Variants in RYR2 observed in about 807,000 individuals in gnomAD.
RYR2 encodes ryanodine receptor 2.
RYR2 carries 227 observed loss-of-function variants against 601.1 expected under a neutral mutation model. That is an observed-to-expected ratio of 0.38 (90% confidence interval 0.34 to 0.42). The LOEUF (loss-of-function observed/expected upper bound fraction) is 0.42. Ranked by LOEUF, RYR2 falls within the 10% of genes least tolerant of loss-of-function variation. The pLI is 1.00. For missense variants in RYR2, 4,646 were observed against 6,156.5 expected (o/e 0.75, Z 8.21); for synonymous variants, 2,223 against 2,175.1 (o/e 1.02, Z -0.61).
At chr1:237,200,238 A>G (rs1452695515) in intron 1 of RYR2, among the ~76,000 whole-genome samples, 1 of 151,614 alleles carries the variant, frequency 6.6e-6, no homozygotes, top group African/African-American at 2.4e-5. Context: ...TCTGTTTGCA[A>G]TTTTATCCTT....
At chr1:237,584,173 G>A (rs940797577) in intron 29 of RYR2, among the ~76,000 whole-genome samples, 3 of 152,148 alleles carry the variant, frequency 2.0e-5, no homozygotes, top group Non-Finnish European at 4.4e-5. Context: ...TACATGTGCT[G>A]GGGGAGAGGC....
chr1:237,410,106 G>T (rs548626371), intron 10 of RYR2, among the ~76,000 whole-genome samples: 1 of 152,268 alleles, frequency 6.6e-6, no homozygotes, highest in South Asian at 2.1e-4. Context: ...TTCACTTAGA[G>T]CCCCTCTCAA....
intron 2 of RYR2, among the ~76,000 whole-genome samples, chr1:237,289,745 G>A (rs899151895): frequency 5.3e-5 from 8 of 152,270 alleles, no homozygotes; most frequent in Admixed American, 1.3e-4. Context: ...ATTTTTGTAA[G>A]CATGCTTATA....
At chr1:237,693,004 G>C (rs1687082667) in intron 63 of RYR2, among the ~76,000 whole-genome samples, 1 of 152,164 alleles carries the variant, frequency 6.6e-6, no homozygotes, top group Non-Finnish European at 1.5e-5. Context: ...ATGAATGAAT[G>C]AGCCACCCAG....
intron 3 of RYR2, among the ~76,000 whole-genome samples, chr1:237,355,617 T>G (rs1699228693): frequency 6.6e-6 from 1 of 152,092 alleles, no homozygotes; most frequent in African/African-American, 2.4e-5. Flanking sequence ...GTTTTTATAA[T>G]TAGAGGAGAG....
At chr1:237,181,510 G>T (rs369129254) in intron 1 of RYR2, among the ~76,000 whole-genome samples, 1 of 152,204 alleles carries the variant, frequency 6.6e-6, no homozygotes, top group African/African-American at 2.4e-5. Flanking sequence ...ACCAGCAGAT[G>T]TAGAAACTGC....
At chr1:237,482,884 G>A (rs896530276) in intron 17 of RYR2, among the ~76,000 whole-genome samples, 4 of 152,134 alleles carry the variant, frequency 2.6e-5, no homozygotes, top group Non-Finnish European at 4.4e-5. Context: ...TCTTTTGGAT[G>A]TAAGCCATTG....
At chr1:237,758,712 C>T (rs1693162943) in intron 82 of RYR2, among the ~76,000 whole-genome samples, 1 of 152,210 alleles carries the variant, frequency 6.6e-6, no homozygotes, top group South Asian at 2.1e-4. Context: ...AGGAATTGTT[C>T]TGCTCTTCCA....
rs1268284971 is a variant in RYR2, at chr1:237,614,922, C to G, written c.5715+79C>G. The G allele has an allele frequency of 2.9e-6, 4 of 1,361,324 alleles. No homozygotes were observed. Among genetic ancestry groups the G allele is most frequent in the African/African-American group, 1.5e-5 (1 of 68,362 alleles). The allele number at this position is 1,361,324 out of a possible 1,614,324, so 84.3% of individuals were successfully genotyped here. A position where few individuals can be genotyped will look rare whatever the true frequency, so the allele number is the denominator to read the frequency against. ...TTAGAACATGCCTTTGTTTCTTTCT[C>G]TGTGTGTGTGTTTATTTCTTTGCAT... is the stretch of plus-strand genomic sequence containing the variant. On this transcript the variant is annotated intron_variant, in intron 37 of 104. Coordinates refer to ENST00000366574, the MANE Select transcript of RYR2 (RefSeq NM_001035.3). This position sits in a 1 kb window ranked among gnomAD's most constrained non-coding sequence, Gnocchi z 4.3.
At chr1:237,117,837 C>T (rs574231265) in intron 1 of RYR2, among the ~76,000 whole-genome samples, 3 of 152,212 alleles carry the variant, frequency 2.0e-5, no homozygotes, top group African/African-American at 7.2e-5. Flanking sequence ...GCTCTCCCTC[C>T]TGGGTTCAAA....
Position 237,268,026 on chromosome 1 carries a change from C to T in RYR2, c.49-2471C>T, listed in dbSNP as rs1689239110. On this transcript the variant is annotated intron_variant, in intron 1 of 104. Transcript: ENST00000366574. ...GCATTCACTGTACTTTTGGTAAAGA[C>T]GGTGTGCCTTCTCTTCTTCCGGGGC... Among the ~76,000 whole-genome samples the T allele has an allele frequency of 2.0e-5, 3 of 152,304 alleles. No individual in the cohort carries two copies. In the South Asian group the frequency reaches 6.2e-4, roughly 32 times the overall value.
chr1:237,802,678 C>A (rs372666065), intron 98 of RYR2, among the ~76,000 whole-genome samples: 1 of 152,230 alleles, frequency 6.6e-6, no homozygotes, highest in Non-Finnish European at 1.5e-5. Context: ...GGGAGCAACT[C>A]CCCTGAATAA....
intron 84 of RYR2, 105 bp downstream of exon 84, chr1:237,761,133 G>A (rs1693400035): frequency 5.4e-6 from 4 of 737,436 alleles, no homozygotes; most frequent in South Asian, 5.1e-5. Context: ...TTATTTTAAA[G>A]TTGATGAAAT....
chr1:237,143,836 A>T (rs1370420891), intron 1 of RYR2, among the ~76,000 whole-genome samples: 1 of 152,216 alleles, frequency 6.6e-6, no homozygotes, highest in East Asian at 1.9e-4. Flanking sequence ...TACTCTGTAA[A>T]GGTAGTAGAA....
intron 13 of RYR2, among the ~76,000 whole-genome samples, chr1:237,443,004 C>A (rs894807738): frequency 1.3e-5 from 2 of 152,190 alleles, no homozygotes; most frequent in African/African-American, 4.8e-5. Flanking sequence ...CCAACCATGT[C>A]TTTGGTTCCT....
Position 237,788,010 on chromosome 1 carries a change from G to A in RYR2, c.13351G>A (p.Glu4451Lys), listed in dbSNP as rs780734342. 1.8e-5 allele frequency: 28 copies of A among 1,598,534 alleles called. No homozygotes were observed. The highest frequency in any genetic ancestry group is 1.6e-4 in the Middle Eastern group (1 of 6,068). The change falls in exon 92 of 105, where the codon GAG (glutamate) becomes AAG (lysine). Residue 4451 changes from glutamate to lysine, a missense_variant. This residue lies in a region of RYR2 where 364 missense variants were observed against 442.9 expected (regional missense o/e 0.82). Transcript: ENST00000366574. ...TAGGGGAGAAGATGGAGAAAAAGAA[G>A]AGAAAGCCAAGGAAGACAAGGGCAA... ...KAEGEDGEKEEKAKEDKGKQK... is the reference protein window; with the variant it reads ...KAEGEDGEKEKKAKEDKGKQK...
chr1:237,214,102 G>A (rs895115606), intron 1 of RYR2, among the ~76,000 whole-genome samples: 30 of 151,524 alleles, frequency 2.0e-4, no homozygotes, highest in African/African-American at 7.3e-4. Flanking sequence ...TGTATTTTTA[G>A]TAGAGATGGG....
At chr1:237,404,382 C>G (rs904463823) in intron 10 of RYR2, among the ~76,000 whole-genome samples, 1 of 152,138 alleles carries the variant, frequency 6.6e-6, no homozygotes, top group African/African-American at 2.4e-5. Flanking sequence ...TAATTAGATC[C>G]TGTTATAATA....
intron 1 of RYR2, among the ~76,000 whole-genome samples, chr1:237,248,267 A>ACC (rs34669763): frequency 0.015 from 855 of 57,276 alleles, 70 homozygotes; most frequent in Non-Finnish European, 0.018. Flanking sequence ...GCAAGACTCC[A>ACC]CCCCCCGCAA....
Sources: gnomAD v4.1 joint callset for allele counts (sites outside exome capture counted in the v4.1 genomes callset) on GRCh38, gnomAD v4.1.1 for gene constraint, gnomAD v4.1.1 regional missense constraint, Gnocchi (gnomAD v3.1) non-coding constraint, MANE v1.5 for transcripts, NCBI Gene and HGNC (gene_info 2026-07-23, HGNC 2026-07-21) for gene names.